Variants in EXT2 observed in about 807,000 individuals in gnomAD.
The protein encoded by EXT2 is exostosin-2.
Under a neutral mutation model 81.6 loss-of-function variants are expected in EXT2, and 53 were observed. The ratio of observed to expected loss-of-function variants is 0.65; its 90% CI spans 0.52 to 0.82. The LOEUF is 0.82. Ranked by LOEUF, EXT2 falls within the 40% of genes least tolerant of loss-of-function variation. EXT2 has a pLI of 0.00. For synonymous variants in EXT2, 320 were observed against 340.0 expected (o/e 0.94, Z 0.65); for missense variants, 774 against 910.2 (o/e 0.85, Z 1.93).
chr11:44,113,132 G>T (rs1041527705), intron 3 of EXT2, among the ~76,000 whole-genome samples: 1 of 152,180 alleles, frequency 6.6e-6, no homozygotes, highest in East Asian at 1.9e-4. Flanking sequence ...TAGCCTGCAG[G>T]TTACCTCACT....
At position 44,197,953 on chromosome 11, in the gene EXT2, C is replaced by T. The variant is rs1955477312; in HGVS notation, c.1430C>T (p.Ser477Phe). The change falls in exon 9 of 14, where the codon TCC (serine) becomes TTC (phenylalanine). Residue 477 changes from serine to phenylalanine, a missense_variant. By Grantham distance (155) the Ser-to-Phe change is radical (BLOSUM62 -2). Transcript: ENST00000533608. The part of the protein sequence containing the change: ...ESLFRVITEV[S>F]KVPSLSKLLV... ...CTCTTCCGGGTCATCACTGAAGTGT[C>T]CAAGGTGCCCAGTCTATCCAAACTA... 1.2e-6 allele frequency: 2 copies of T among 1,613,966 alleles called. No individual in the cohort carries two copies. Among genetic ancestry groups the T allele is most frequent in the Admixed American group, 1.7e-5 (1 of 59,996 alleles).
At chr11:44,122,801 G>A (rs778987075) in intron 4 of EXT2, among the ~76,000 whole-genome samples, 3 of 152,158 alleles carry the variant, frequency 2.0e-5, no homozygotes, top group Non-Finnish European at 4.4e-5. Flanking sequence ...CGTGGTCAAC[G>A]TTTGTGCTGT....
rs553383263 is a variant in EXT2 at position 44,244,627 on chromosome 11, G to A, written c.*340G>A. ...GTAACAATCTGGAAGGAAACTTCAC[G>A]GACAGGAAGACTGCTGGAGAAGAGA... On this transcript the variant is annotated 3_prime_UTR_variant, in exon 14 of 14. Coordinates refer to ENST00000533608, the MANE Select transcript of EXT2 (RefSeq NM_207122.2). 7.8e-5 allele frequency: 32 copies of A among 411,996 alleles called. No homozygotes were observed. The highest frequency in any genetic ancestry group is 1.1e-4 in the Non-Finnish European group (25 of 220,214). 25.5% of individuals were successfully genotyped at this position (411,996 alleles called of 1,614,324 possible).
chr11:44,239,809 G>C lies in EXT2; in HGVS notation c.2018+3434G>C, dbSNP rs530125924. Among the ~76,000 whole-genome samples the C allele has an allele frequency of 2.7e-5, 4 of 147,376 alleles. No homozygotes were observed. In the South Asian group the frequency reaches 8.5e-4, roughly 31 times the overall value. ...ATAGATATGTGGAACTAGAATTTCA[G>C]AAAGAACTTTAAAAAAAAATGTTGA... On this transcript the variant is annotated intron_variant, in intron 13 of 13. Coordinates refer to ENST00000533608, the MANE Select transcript of EXT2 (RefSeq NM_207122.2).
At chr11:44,229,815 C>T (rs977742982) in intron 10 of EXT2, among the ~76,000 whole-genome samples, 3 of 152,030 alleles carry the variant, frequency 2.0e-5, no homozygotes, top group Non-Finnish European at 4.4e-5. Context: ...ATTTTTGGTC[C>T]CCTTCATTCT....
intron 8 of EXT2, among the ~76,000 whole-genome samples, chr11:44,172,190 A>C (rs1178496836): frequency 6.6e-6 from 1 of 152,226 alleles, no homozygotes; most frequent in African/African-American, 2.4e-5. Flanking sequence ...TGTGAGGAAA[A>C]TAATAAGCAG....
intron 8 of EXT2, among the ~76,000 whole-genome samples, chr11:44,182,355 T>C (rs1490270975): frequency 3.3e-5 from 5 of 152,134 alleles, no homozygotes; most frequent in Non-Finnish European, 5.9e-5. Context: ...AGCCCCTTCT[T>C]CCAGGATACC....
intron 7 of EXT2, among the ~76,000 whole-genome samples, chr11:44,141,475 A>G (rs1284303379): frequency 1.3e-5 from 2 of 152,226 alleles, no homozygotes; most frequent in Admixed American, 6.5e-5. Context: ...TCACTTTTCC[A>G]TACTTTTCTG....
At chr11:44,096,455 G>T in intron 1 of EXT2, 1 of 907,652 alleles carries the variant, frequency 1.1e-6, no homozygotes, top group Non-Finnish European at 1.7e-6. Context: ...GGGTCATGTT[G>T]GGCCAGGCAC....
intron 3 of EXT2, among the ~76,000 whole-genome samples, chr11:44,112,332 A>G (rs1954156740): frequency 6.6e-6 from 1 of 152,230 alleles, no homozygotes; most frequent in Non-Finnish European, 1.5e-5. Context: ...GCCTCCAGTG[A>G]TTATAATACT....
At chr11:44,119,124 T>TTTTATATATGTATATG (rs1555004226) in intron 4 of EXT2, among the ~76,000 whole-genome samples, 9 of 25,636 alleles carry the variant, frequency 3.5e-4, no homozygotes, top group African/African-American at 6.1e-4. Context: ...ATTTGGCTAT[T>TTTTATATATGTATATG]TATATATATA....
At chr11:44,236,613 G>A (rs1447643572) in intron 13 of EXT2, among the ~76,000 whole-genome samples, 1 of 152,160 alleles carries the variant, frequency 6.6e-6, no homozygotes, top group Admixed American at 6.5e-5. Context: ...TGGGCCTTAA[G>A]CTCCAGAAGC....
At chr11:44,226,913 T>C (rs571011133) in intron 10 of EXT2, among the ~76,000 whole-genome samples, 1 of 152,346 alleles carries the variant, frequency 6.6e-6, no homozygotes, top group East Asian at 1.9e-4. Context: ...ATTGCCAAAT[T>C]TGATGTGCCT....
chr11:44,203,973 A>G (rs1452458503), intron 9 of EXT2, among the ~76,000 whole-genome samples: 1 of 152,234 alleles, frequency 6.6e-6, no homozygotes, highest in Non-Finnish European at 1.5e-5. Flanking sequence ...TGGCACACTT[A>G]GTTTCTTTAA....
intron 1 of EXT2, chr11:44,104,596 C>G (rs1008117499): frequency 1.3e-5 from 2 of 152,216 alleles, no homozygotes; most frequent in African/African-American, 4.8e-5. Flanking sequence ...TTAACAAACT[C>G]TTGTGCTTCT....
intron 3 of EXT2, among the ~76,000 whole-genome samples, chr11:44,110,417 G>T (rs780110637): frequency 3.3e-5 from 5 of 152,228 alleles, no homozygotes; most frequent in Non-Finnish European, 7.3e-5. Context: ...GTGCACAAAT[G>T]CTGTAGGAAG....
intron 1 of EXT2, among the ~76,000 whole-genome samples, chr11:44,099,657 G>A (rs930361010): frequency 4.6e-5 from 7 of 152,168 alleles, no homozygotes; most frequent in African/African-American, 9.7e-5. Flanking sequence ...TAGATGCTAG[G>A]AATACTGAGC....
intron 12 of EXT2, among the ~76,000 whole-genome samples, 182 bp from the exon 13 acceptor site, chr11:44,236,111 G>T (rs1423251212): frequency 6.6e-6 from 1 of 152,172 alleles, no homozygotes; most frequent in African/African-American, 2.4e-5. Context: ...GCCCTTGTGA[G>T]TTCTGCCGTT....
At chr11:44,114,083 G>T in intron 3 of EXT2, 102 bp from the exon 4 acceptor site, 1 of 1,043,158 alleles carries the variant, frequency 9.6e-7, no homozygotes, top group South Asian at 1.3e-5. Flanking sequence ...AACGTTAGCT[G>T]GTTTTGATAA....
Sources: gnomAD v4.1 joint callset for allele counts (sites outside exome capture counted in the v4.1 genomes callset) on GRCh38, gnomAD v4.1.1 for gene constraint, MANE v1.5 for transcripts, NCBI Gene and HGNC (gene_info 2026-07-23, HGNC 2026-07-21) for gene names.